Variants in HS6ST3 observed in about 807,000 individuals in gnomAD.
HS6ST3 encodes heparan-sulfate 6-O-sulfotransferase 3.
A neutral mutation model predicts 36.7 loss-of-function variants in HS6ST3; 12 were observed. The ratio of observed to expected loss-of-function variants is 0.33; its 90% confidence interval spans 0.21 to 0.53. The LOEUF is 0.53. Ranked by LOEUF, HS6ST3 falls within the 20% of genes least tolerant of loss-of-function variation. The probability of loss-of-function intolerance (pLI) is 0.95; values close to 1 mark genes in which losing one functional copy is unlikely to be tolerated. For missense variants in HS6ST3, 584 were observed against 640.9 expected (o/e 0.91, Z 0.96); for synonymous variants, 240 against 257.5 (o/e 0.93, Z 0.65).
intron 1 of HS6ST3, among the ~76,000 whole-genome samples, chr13:96,565,323 G>T (rs2056277146): frequency 6.6e-6 from 1 of 152,042 alleles, no homozygotes; most frequent in Non-Finnish European, 1.5e-5. Flanking sequence ...AATGAGGAGT[G>T]ATCCAGTTTG....
chr13:96,594,977 C>A (rs1464195336), intron 1 of HS6ST3, among the ~76,000 whole-genome samples: 2 of 152,112 alleles, frequency 1.3e-5, no homozygotes, highest in Non-Finnish European at 2.9e-5. Flanking sequence ...TGAAGGAGAG[C>A]CTTATGGCTA....
chr13:96,706,494 G>A (rs891486879), intron 1 of HS6ST3, among the ~76,000 whole-genome samples: 2 of 148,516 alleles, frequency 1.3e-5, no homozygotes, highest in African/African-American at 5.0e-5. Context: ...GTTACTAGGT[G>A]TGATATTGAG....
Position 96,835,233 on chromosome 13 carries a change from C to T in HS6ST3, c.*2035C>T, listed in dbSNP as rs1878896373. The T allele has an allele frequency of 6.6e-6, 1 of 152,218 alleles. No individual in the cohort carries two copies. The highest frequency in any genetic ancestry group is 6.5e-5 in the Admixed American group (1 of 15,280). 9.4% of individuals were successfully genotyped at this position (152,218 alleles called of 1,614,324 possible). A position where few individuals can be genotyped will look rare whatever the true frequency, so the allele number is the denominator to read the frequency against. On this transcript the variant is annotated 3_prime_UTR_variant, in exon 2 of 2. Coordinates refer to ENST00000376705, the MANE Select transcript of HS6ST3 (RefSeq NM_153456.4). ...CTCTAACCCATGTGGGTAGCCCGAC[C>T]ATGACAGCACCACGCTAACAGTGAC...
intron 1 of HS6ST3, among the ~76,000 whole-genome samples, chr13:96,275,209 T>C (rs1462962452): frequency 1.3e-5 from 2 of 152,206 alleles, no homozygotes; most frequent in Non-Finnish European, 2.9e-5. Flanking sequence ...CTTTCCATGT[T>C]TGATTTAGTA....
At chr13:96,648,824 C>T (rs535396516) in intron 1 of HS6ST3, among the ~76,000 whole-genome samples, 10 of 152,196 alleles carry the variant, frequency 6.6e-5, no homozygotes, top group Non-Finnish European at 1.3e-4. Context: ...CTGCAAAGGA[C>T]ATAATCTCAT....
At position 96,833,217 on chromosome 13, in the gene HS6ST3, C is replaced by G. The variant is rs1001462839; in HGVS notation, c.*19C>G. The stretch of plus-strand genomic sequence containing the variant: ...ATGGTGACCTCCTGCCCTCTCCTCT[C>G]TCAGGAGGGGGAGGGTGAGCAGGCA... On this transcript the variant is annotated 3_prime_UTR_variant, in exon 2 of 2. Coordinates refer to ENST00000376705, the MANE Select transcript of HS6ST3 (RefSeq NM_153456.4). 5 of 1,490,060 alleles carry G rather than the reference C, an allele frequency of 3.4e-6. No homozygotes were observed. Among genetic ancestry groups the G allele is most frequent in the Non-Finnish European group, 3.6e-6 (4 of 1,122,346 alleles). 92.3% of individuals were successfully genotyped at this position (1,490,060 alleles called of 1,614,324 possible). A position where few individuals can be genotyped will look rare whatever the true frequency, so the allele number is the denominator to read the frequency against.
At position 96,553,423 on chromosome 13, in the gene HS6ST3, A is replaced by G. The variant is rs72642758; in HGVS notation, c.708-279067A>G. On this transcript the variant is annotated intron_variant, in intron 1 of 1. Coordinates refer to ENST00000376705, the MANE Select transcript of HS6ST3 (RefSeq NM_153456.4). ...ATGCTGGGTGGTGGATGGGATATGA[A>G]TGGTCCAGAAGACCACAGCTGTCTA... 5.0e-3 allele frequency among the ~76,000 whole-genome samples: 763 copies of G among 152,282 alleles called. 7 individuals are homozygous for G. The highest frequency in any genetic ancestry group is 0.014 in the Middle Eastern group (4 of 294).
chr13:96,632,706 A>C (rs930614256), intron 1 of HS6ST3, among the ~76,000 whole-genome samples: 2 of 152,194 alleles, frequency 1.3e-5, no homozygotes, highest in African/African-American at 4.8e-5. Context: ...CATAAACAGG[A>C]TTCCAGTCTT....
chr13:96,482,000 T>C (rs2055892223), intron 1 of HS6ST3, among the ~76,000 whole-genome samples: 1 of 152,178 alleles, frequency 6.6e-6, no homozygotes, highest in African/African-American at 2.4e-5. Flanking sequence ...ATCTCCACCT[T>C]CTGTGCTTCA....
At chr13:96,424,430 A>T (rs1386581609) in intron 1 of HS6ST3, among the ~76,000 whole-genome samples, 1 of 152,246 alleles carries the variant, frequency 6.6e-6, no homozygotes, top group East Asian at 1.9e-4. Context: ...TTTGACAAAC[A>T]TCCTTTTACA....
At chr13:96,338,079 A>G (rs1566330006) in intron 1 of HS6ST3, among the ~76,000 whole-genome samples, 1 of 150,050 alleles carries the variant, frequency 6.7e-6, no homozygotes, top group African/African-American at 2.5e-5. Context: ...AATTTAAAAG[A>G]TTTTTTTTTT....
chr13:96,550,114 G>C (rs2138947868), intron 1 of HS6ST3, among the ~76,000 whole-genome samples: 1 of 152,300 alleles, frequency 6.6e-6, no homozygotes, highest in South Asian at 2.1e-4. Flanking sequence ...TTAGGGTTTG[G>C]TTGTGTGTCC....
chr13:96,253,144 C>T (rs775921920), intron 1 of HS6ST3, among the ~76,000 whole-genome samples: 18 of 151,852 alleles, frequency 1.2e-4, no homozygotes, highest in Non-Finnish European at 2.6e-4. Context: ...CTGTGGGCTT[C>T]ATGGGTGGGC....
At chr13:96,156,925 G>T (rs1237707842) in intron 1 of HS6ST3, among the ~76,000 whole-genome samples, 2 of 152,210 alleles carry the variant, frequency 1.3e-5, no homozygotes, top group Non-Finnish European at 2.9e-5. Flanking sequence ...CCATATGTCA[G>T]TGAGCCAAGG....
At chr13:96,751,421 C>G (rs1323056192) in intron 1 of HS6ST3, among the ~76,000 whole-genome samples, 1 of 152,052 alleles carries the variant, frequency 6.6e-6, no homozygotes, top group Non-Finnish European at 1.5e-5. Context: ...CCACCAGAAA[C>G]TGGAAAGGGA....
At chr13:96,696,332 C>G (rs1166353821) in intron 1 of HS6ST3, among the ~76,000 whole-genome samples, 1 of 152,158 alleles carries the variant, frequency 6.6e-6, no homozygotes. Flanking sequence ...TATTTAAAGT[C>G]ACTAACTACA....
chr13:96,316,637 T>A (rs963594794), intron 1 of HS6ST3, among the ~76,000 whole-genome samples: 2 of 152,198 alleles, frequency 1.3e-5, no homozygotes, highest in African/African-American at 4.8e-5. Flanking sequence ...GCAAGTCACA[T>A]CCAGTTTGTT....
intron 1 of HS6ST3, among the ~76,000 whole-genome samples, chr13:96,559,125 T>TC: frequency 6.8e-6 from 1 of 148,070 alleles, no homozygotes; most frequent in Admixed American, 6.8e-5. Flanking sequence ...TATCTATCTA[T>TC]TTATTTATTG....
chr13:96,677,336 G>A (rs1407941395), intron 1 of HS6ST3, among the ~76,000 whole-genome samples: 2 of 152,082 alleles, frequency 1.3e-5, no homozygotes, highest in African/African-American at 2.4e-5. Flanking sequence ...CATTCTGATT[G>A]GCTTTGTATC....
Sources: allele counts gnomAD v4.1 joint callset (sites outside exome capture counted in the v4.1 genomes callset), GRCh38; gene constraint gnomAD v4.1.1; transcripts MANE v1.5; gene names NCBI Gene and HGNC (gene_info 2026-07-23, HGNC 2026-07-21).